Variants in LRP1B observed in about 807,000 individuals in gnomAD.
LRP1B encodes LDL receptor related protein 1B.
Under a neutral mutation model 556.6 loss-of-function variants are expected in LRP1B, and 217 were observed. The ratio of observed to expected loss-of-function variants is 0.39; its 90% CI spans 0.35 to 0.44. The LOEUF (loss-of-function observed/expected upper bound fraction) is 0.44. Among genes scored for constraint, LRP1B ranks in the 20% least tolerant of loss-of-function variants. The pLI is 1.00. For missense variants in LRP1B, 5,053 were observed against 5,620.8 expected (o/e 0.90, Z 3.23); for synonymous variants, 2,047 against 1,865.8 (o/e 1.10, Z -2.50).
chr2:140,611,135 T>G (rs909930606), intron 41 of LRP1B, among the ~76,000 whole-genome samples: 1 of 152,216 alleles, frequency 6.6e-6, no homozygotes, highest in African/African-American at 2.4e-5. Flanking sequence ...GGTAGAATAC[T>G]AGAAATAATA....
chr2:140,351,196 T>A (rs1681942751), intron 76 of LRP1B, among the ~76,000 whole-genome samples, 158 bp from the exon 77 acceptor site: 1 of 152,064 alleles, frequency 6.6e-6, no homozygotes, highest in Admixed American at 6.6e-5. Flanking sequence ...TTATGGCTTA[T>A]TATTTCTGAT....
At position 140,771,023 on chromosome 2, in the gene LRP1B, T is replaced by C. The variant is rs7599219; in HGVS notation, c.5501-17A>G. The C allele has an allele frequency of 0.87, 1,352,198 of 1,547,748 alleles. 592,143 individuals are homozygous for C. Among genetic ancestry groups the C allele is most frequent in the East Asian group, 1 (42,001 of 42,028 alleles). The stretch of plus-strand genomic sequence containing the variant: ...AATTGCTGCCTGCATAGAATGAAAA[T>C]GAAACAAATTTCTTTAATGAAATTT... On this transcript the variant is annotated splice_polypyrimidine_tract_variant and intron_variant, in intron 33 of 90. Coordinates refer to ENST00000389484, the MANE Select transcript of LRP1B (RefSeq NM_018557.3).
At chr2:141,417,117 C>T (rs987824340) in intron 3 of LRP1B, among the ~76,000 whole-genome samples, 7 of 152,020 alleles carry the variant, frequency 4.6e-5, no homozygotes, top group Non-Finnish European at 7.4e-5. Flanking sequence ...TCTTATTAAA[C>T]GTAAGGAGAA....
At position 140,769,285 on chromosome 2, in the gene LRP1B, G is replaced by T. The variant is rs760938200; in HGVS notation, c.5686C>A (p.Pro1896Thr). The T allele has an allele frequency of 1.9e-6, 3 of 1,612,028 alleles. No individual in the cohort carries two copies. The highest frequency in any genetic ancestry group is 2.5e-6 in the Non-Finnish European group (3 of 1,178,554). The change falls in exon 35 of 91, where the codon CCA becomes ACA. Residue 1896 changes from proline (P) to threonine (T), a missense_variant. This residue lies in a region of LRP1B where 3,619 missense variants were observed against 3,931.9 expected (regional missense o/e 0.92). Transcript: ENST00000389484. ...ATCAAAGCATCCATTTTGTCACTTG[G>T]TTCAAGAGGTATTCCCCTGATTCCT... Reference protein sequence around the residue: ...HEGIRGIPLEPSDKMDALMPI... With the variant: ...HEGIRGIPLETSDKMDALMPI...
At chr2:140,436,894 A>G (rs1240909148) in intron 66 of LRP1B, among the ~76,000 whole-genome samples, 2 of 152,156 alleles carry the variant, frequency 1.3e-5, no homozygotes, top group African/African-American at 4.8e-5. Flanking sequence ...TAGGAGAAAC[A>G]ATACTGGATG....
At chr2:141,742,392 C>T (rs184512888) in intron 2 of LRP1B, among the ~76,000 whole-genome samples, 1 of 151,868 alleles carries the variant, frequency 6.6e-6, no homozygotes, top group Admixed American at 6.6e-5. Context: ...GCTGGGATTA[C>T]AGGCACATGA....
At chr2:141,123,672 A>C (rs770184216) in intron 7 of LRP1B, among the ~76,000 whole-genome samples, 29 of 152,128 alleles carry the variant, frequency 1.9e-4, no homozygotes, top group Admixed American at 1.2e-3. Flanking sequence ...CCTTCTTCAC[A>C]AAAATGGCTC....
intron 2 of LRP1B, among the ~76,000 whole-genome samples, chr2:141,604,059 G>A (rs1687837084): frequency 6.6e-6 from 1 of 152,030 alleles, no homozygotes; most frequent in Admixed American, 6.6e-5. Context: ...AGTATGAAAA[G>A]CTACCAAAAA....
chr2:141,530,948 A>G (rs1219767542), intron 2 of LRP1B, among the ~76,000 whole-genome samples: 2 of 151,552 alleles, frequency 1.3e-5, no homozygotes, highest in Non-Finnish European at 2.9e-5. Flanking sequence ...AGGTATCAAG[A>G]TGTTTGGATT....
chr2:141,409,052 T>C (rs1377482906), intron 3 of LRP1B, among the ~76,000 whole-genome samples: 4 of 152,182 alleles, frequency 2.6e-5, no homozygotes, highest in African/African-American at 9.7e-5. Context: ...TTTCATTTGC[T>C]AGGCTTATGG....
chr2:141,096,603 C>A (rs1700310154), intron 7 of LRP1B, among the ~76,000 whole-genome samples: 1 of 119,614 alleles, frequency 8.4e-6, no homozygotes, highest in African/African-American at 3.3e-5. Flanking sequence ...TGCACCCTAG[C>A]CTGAATGACA....
chr2:140,839,922 C>T, intron 31 of LRP1B, 69 bp downstream of exon 31: 1 of 905,642 alleles, frequency 1.1e-6, no homozygotes, highest in Non-Finnish European at 1.7e-6. Context: ...GGATCTAGAT[C>T]AAAGGTATAT....
chr2:140,239,647 C>A (rs1206012570), intron 87 of LRP1B, 115 bp from the exon 88 acceptor site: 1 of 560,614 alleles, frequency 1.8e-6, no homozygotes, highest in South Asian at 3.3e-5. Flanking sequence ...AAAAGCTTAG[C>A]CCAAATGTTT....
intron 2 of LRP1B, among the ~76,000 whole-genome samples, chr2:141,719,840 T>C (rs1422455869): frequency 6.6e-6 from 1 of 152,114 alleles, no homozygotes; most frequent in Non-Finnish European, 1.5e-5. Context: ...AGGGTAACCA[T>C]AGATACTGGG....
At chr2:141,801,420 C>T (rs764655413) in intron 2 of LRP1B, among the ~76,000 whole-genome samples, 1 of 152,112 alleles carries the variant, frequency 6.6e-6, no homozygotes, top group Non-Finnish European at 1.5e-5. Flanking sequence ...TCCTTAAACA[C>T]TGGGATTACA....
At chr2:140,663,880 A>G (rs544442596) in intron 41 of LRP1B, among the ~76,000 whole-genome samples, 2 of 152,276 alleles carry the variant, frequency 1.3e-5, no homozygotes, top group African/African-American at 4.8e-5. Context: ...GATTAGGGAC[A>G]TGTGACTCTT....
chr2:140,555,567 T>C (rs970695671), intron 43 of LRP1B, among the ~76,000 whole-genome samples: 3 of 152,146 alleles, frequency 2.0e-5, no homozygotes, highest in Non-Finnish European at 2.9e-5. Context: ...GCTATAATTA[T>C]TAATATTCTT....
intron 5 of LRP1B, among the ~76,000 whole-genome samples, chr2:141,237,826 C>G (rs1294900950): frequency 1.3e-5 from 2 of 152,062 alleles, no homozygotes; most frequent in Admixed American, 1.3e-4. Flanking sequence ...TTGCAGAGAG[C>G]TGGTCCAACC....
chr2:140,582,595 C>T (rs566227506), intron 43 of LRP1B, among the ~76,000 whole-genome samples: 7 of 152,226 alleles, frequency 4.6e-5, no homozygotes, highest in Admixed American at 3.9e-4. Flanking sequence ...TGATCTCTTC[C>T]GCTCTGCTGC....
Sources: gnomAD v4.1 joint callset for allele counts (sites outside exome capture counted in the v4.1 genomes callset) on GRCh38, gnomAD v4.1.1 for gene constraint, gnomAD v4.1.1 regional missense constraint, MANE v1.5 for transcripts, NCBI Gene and HGNC (gene_info 2026-07-23, HGNC 2026-07-21) for gene names.